The following CLEC12A variants were observed in gnomAD, a reference collection of about 807,000 sequenced individuals.
The protein encoded by CLEC12A is C-type lectin domain family 12 member A, also known as C-type lectin protein CLL-1.
Under a neutral mutation model 26.5 loss-of-function variants are expected in CLEC12A, and 22 were observed. The ratio of observed to expected loss-of-function variants is 0.83; its 90% CI spans 0.59 to 1.19. The LOEUF is 1.19. Among genes scored for constraint, CLEC12A ranks in the 50% most tolerant of loss-of-function variants. The pLI, the probability that CLEC12A is intolerant of heterozygous loss-of-function variation, is 0.00. For missense variants in CLEC12A, 353 were observed against 315.6 expected (o/e 1.12, Z -0.90); for synonymous variants, 119 against 101.9 (o/e 1.17, Z -1.01).
chr12:9,966,812 A>G (rs186635649), upstream of CLEC12A, among the ~76,000 whole-genome samples: 3,171 of 121,602 alleles, frequency 0.026, 176 homozygotes, highest in Middle Eastern at 0.04. Flanking sequence ...TATATTGAGA[A>G]TAAGACGGCC....
At chr12:9,965,928 G>T (rs1211942117) in intron 1 of CLEC12A, among the ~76,000 whole-genome samples, 1 of 152,032 alleles carries the variant, frequency 6.6e-6, no homozygotes. Flanking sequence ...AAGGTGGGGA[G>T]ATACAAGGGG....
At chr12:9,963,919 G>A (rs546994890) in intron 1 of CLEC12A, among the ~76,000 whole-genome samples, 4 of 152,280 alleles carry the variant, frequency 2.6e-5, no homozygotes, top group East Asian at 1.9e-4. Flanking sequence ...ATGAGAAAAT[G>A]TTGAGTGTCT....
intron 1 of CLEC12A, among the ~76,000 whole-genome samples, chr12:9,958,057 T>C (rs938020109): frequency 6.6e-6 from 1 of 152,200 alleles, no homozygotes; most frequent in African/African-American, 2.4e-5. Context: ...CTGAGATCTG[T>C]GGTTTCCTGG....
chr12:9,971,929 C>G (rs145705192), intron 1 of CLEC12A, among the ~76,000 whole-genome samples: 14 of 152,150 alleles, frequency 9.2e-5, no homozygotes, highest in African/African-American at 3.4e-4. Context: ...TATTATCACA[C>G]TCAATATAAT....
At chr12:9,989,944 A>G (rs1452109216), downstream of CLEC12A, among the ~76,000 whole-genome samples, 7 of 152,188 alleles carry the variant, frequency 4.6e-5, no homozygotes, top group East Asian at 1.9e-4. Context: ...CCAATGCTCT[A>G]TGAATGAAAC....
At chr12:9,995,272 T>C (rs1208226218) in exon 5 of CLEC12A, 1 of 1,570,184 alleles carries the variant, frequency 6.4e-7, no homozygotes, top group African/African-American at 1.4e-5. Context: ...ATAAACACAA[T>C]GGTCAGAATC....
chr12:9,969,387 A>G (rs1432397655), upstream of CLEC12A, among the ~76,000 whole-genome samples: 1 of 152,192 alleles, frequency 6.6e-6, no homozygotes, highest in Non-Finnish European at 1.5e-5. Flanking sequence ...TTGTATCAAT[A>G]ACAAAATTTT....
chr12:9,987,403 A>G (rs149394250), downstream of CLEC12A, among the ~76,000 whole-genome samples: 1,021 of 152,304 alleles, frequency 6.7e-3, 9 homozygotes, highest in South Asian at 8.1e-3. Context: ...CAATATTGTC[A>G]TTGGGAAATA....
At position 9,962,302 on chromosome 12, in the gene CLEC12A, C is replaced by A. The variant is rs546498198; in HGVS notation, c.11-9275C>A. ...CCAAGTGTGTGTTTCTTTTTGGTAC[C>A]TGAGTATATCACTGTCACTGTGGTC... On this transcript the variant is annotated intron_variant, in intron 1 of 6. Coordinates refer to the CLEC12A transcript ENST00000355690. 2.8e-5 allele frequency among the ~76,000 whole-genome samples: 4 copies of A among 143,558 alleles called. No individual in the cohort carries two copies. The East Asian group carries it at 8.0e-4, about 29-fold the overall frequency. The allele number at this position is 143,558 out of a possible 152,430, so 94.2% of individuals were successfully genotyped here. A position where few individuals can be genotyped will look rare whatever the true frequency, so the allele number is the denominator to read the frequency against.
chr12:9,959,511 C>T (rs966062355), intron 1 of CLEC12A, among the ~76,000 whole-genome samples: 10 of 150,140 alleles, frequency 6.7e-5, no homozygotes, highest in African/African-American at 2.0e-4. Context: ...TTGGCTCTTT[C>T]GTTGCTTTGA....
chr12:9,979,025 C>T lies in CLEC12A; in HGVS notation c.151C>T (p.Leu51Phe), dbSNP rs766153380. ...PAALFLTLLC[L>F]LLLIGLGVLA... is the part of the protein sequence containing the mutation. ...AGCCTTGTTTCTGACTCTTCTGTGCCTTCTGTTGCTCATTGGATTGGGAGT... is the reference window on the plus strand; with the variant it reads ...AGCCTTGTTTCTGACTCTTCTGTGCTTTCTGTTGCTCATTGGATTGGGAGT... Residue 51 changes from leucine (L) to phenylalanine (F), a missense_variant, in exon 2 of 6, where the codon CTT becomes TTT. Physicochemically the swap from Leu to Phe is conservative, Grantham distance 22. Coordinates refer to ENST00000304361, the MANE Select transcript of CLEC12A (RefSeq NM_138337.6). 6.8e-6 allele frequency: 11 copies of T among 1,613,846 alleles called. No individual in the cohort carries two copies. Among genetic ancestry groups the T allele is most frequent in the Non-Finnish European group, 9.3e-6 (11 of 1,179,874 alleles).
chr12:9,998,160 G>A, downstream of CLEC12A: 1 of 729,384 alleles, frequency 1.4e-6, no homozygotes, highest in Non-Finnish European at 2.5e-6. Context: ...GCAACTATCT[G>A]TAGGACAACT....
chr12:9,997,117 C>T (rs956577112), downstream of CLEC12A: 1 of 1,611,482 alleles, frequency 6.2e-7, no homozygotes. Flanking sequence ...GAGAAATGCT[C>T]CAGGGGTTGG....
At chr12:10,001,004 T>A in the CLEC12A span, among the ~76,000 whole-genome samples, 1 of 152,218 alleles carries the variant, frequency 6.6e-6, no homozygotes, top group African/African-American at 2.4e-5. Flanking sequence ...ACTTTTCCAA[T>A]AAAGCTTTAC....
downstream of CLEC12A, among the ~76,000 whole-genome samples, chr12:9,990,361 C>G (rs1182369250): frequency 6.6e-6 from 1 of 152,174 alleles, no homozygotes; most frequent in African/African-American, 2.4e-5. Flanking sequence ...GACAAAGTGT[C>G]AACATTAACA....
intron 1 of CLEC12A, among the ~76,000 whole-genome samples, chr12:9,965,314 G>A (rs1479377572): frequency 6.6e-6 from 1 of 152,120 alleles, no homozygotes; most frequent in South Asian, 2.1e-4. Flanking sequence ...TTGGGGTTTG[G>A]GAAATTAGCC....
the CLEC12A span, among the ~76,000 whole-genome samples, chr12:10,005,567 A>G: frequency 6.6e-6 from 1 of 152,250 alleles, no homozygotes; most frequent in Non-Finnish European, 1.5e-5. Flanking sequence ...ATTAAGAAAA[A>G]TAAAGCACAG....
At chr12:9,973,225 C>A (rs1385329494) in intron 1 of CLEC12A, among the ~76,000 whole-genome samples, 1 of 152,072 alleles carries the variant, frequency 6.6e-6, no homozygotes, top group Non-Finnish European at 1.5e-5. Context: ...CTTTGAGAGG[C>A]CAAGATGGGA....
the CLEC12A span, among the ~76,000 whole-genome samples, chr12:10,004,445 C>T: frequency 3.3e-5 from 5 of 152,040 alleles, no homozygotes; most frequent in Admixed American, 1.3e-4. Context: ...GGTGATCTTC[C>T]TCTGGAGTTT....
Sources: gnomAD v4.1 joint callset for allele counts (sites outside exome capture counted in the v4.1 genomes callset) on GRCh38, gnomAD v4.1.1 for gene constraint, MANE v1.5 for transcripts, NCBI Gene and HGNC (gene_info 2026-07-23, HGNC 2026-07-21) for gene names.